SGCD: variants seen among roughly 807,000 people sequenced by gnomAD.
SGCD encodes sarcoglycan delta.
SGCD carries 18 observed loss-of-function variants against 36.6 expected under a neutral mutation model. That is an observed-to-expected ratio of 0.49 (90% CI 0.34 to 0.73). SGCD has a LOEUF of 0.73. Among genes scored for constraint, SGCD ranks in the 30% least tolerant of loss-of-function variants. SGCD has a pLI of 0.01. For synonymous variants in SGCD, 133 were observed against 130.6 expected (o/e 1.02, Z -0.12); for missense variants, 387 against 346.7 (o/e 1.12, Z -0.92).
chr5:156,338,420 CTA>C (rs1461865117), intron 2 of SGCD, among the ~76,000 whole-genome samples: 5 of 152,160 alleles, frequency 3.3e-5, no homozygotes, highest in Non-Finnish European at 5.9e-5. Flanking sequence ...TTTTTCATCC[CTA>C]TGTCTTCTCA....
intron 1 of SGCD, among the ~76,000 whole-genome samples, chr5:156,085,232 C>T (rs575887967): frequency 8.5e-5 from 13 of 152,050 alleles, no homozygotes; most frequent in Admixed American, 2.6e-4. Context: ...TGGACTGATG[C>T]GGTTTCAATA....
At chr5:156,745,542 GAAGGACA>G (rs2113112620) in intron 7 of SGCD, among the ~76,000 whole-genome samples, 1 of 152,264 alleles carries the variant, frequency 6.6e-6, no homozygotes, top group South Asian at 2.1e-4. Context: ...TCACAGTCAA[GAAGGACA>G]AAATACACTC....
chr5:156,289,762 G>A (rs971090842), intron 3 of SGCD, among the ~76,000 whole-genome samples: 79 of 151,960 alleles, frequency 5.2e-4, no homozygotes, highest in Admixed American at 4.7e-3. Flanking sequence ...CAAGCAATCC[G>A]CCCGTCCTAG....
At chr5:155,882,999 A>G (rs1307638690) in intron 1 of SGCD, among the ~76,000 whole-genome samples, 1 of 152,222 alleles carries the variant, frequency 6.6e-6, no homozygotes, top group Non-Finnish European at 1.5e-5. Flanking sequence ...AGATCCTTTG[A>G]ATATCTTGCT....
At chr5:156,403,904 G>A (rs1215050570) in intron 3 of SGCD, among the ~76,000 whole-genome samples, 1 of 151,770 alleles carries the variant, frequency 6.6e-6, no homozygotes. Context: ...TGCGATCTTG[G>A]CTCACTGCAA....
intron 3 of SGCD, among the ~76,000 whole-genome samples, chr5:156,185,415 C>T (rs968633059): frequency 5.9e-5 from 9 of 151,848 alleles, no homozygotes; most frequent in Non-Finnish European, 8.8e-5. Context: ...GGGGTTTCAC[C>T]ACGTTAGCCA....
chr5:156,423,819 C>T (rs756897705), intron 3 of SGCD, among the ~76,000 whole-genome samples: 1 of 151,930 alleles, frequency 6.6e-6, no homozygotes, highest in Non-Finnish European at 1.5e-5. Flanking sequence ...CTGTTCTGTG[C>T]CCTAGCTTTG....
intron 1 of SGCD, among the ~76,000 whole-genome samples, chr5:156,099,646 C>A (rs1031838068): frequency 6.6e-6 from 1 of 152,120 alleles, no homozygotes. Flanking sequence ...AACTCCTGAC[C>A]TCAAATGATC....
rs577899376 is a variant in SGCD at position 156,761,560 on chromosome 5, C to T, written c.*2170C>T. On this transcript the variant is annotated 3_prime_UTR_variant, in exon 9 of 9. Transcript: ENST00000337851. ...CCTTGGCTACTAGGAGCACCTATCC[C>T]ATATCATTCAGATAAACAATGATAG... is the stretch of plus-strand genomic sequence containing the variant. The T allele has an allele frequency of 2.0e-5, 3 of 152,296 alleles. No individual in the cohort carries two copies. The highest frequency in any genetic ancestry group is 3.9e-4 in the East Asian group (2 of 5,190). The allele number at this position is 152,296 out of a possible 1,614,324, so 9.4% of individuals were successfully genotyped here.
rs947678294 is a variant in SGCD, at chr5:156,492,017, A to T, written c.193-16584A>T. Among the ~76,000 whole-genome samples, 3 of 152,160 alleles carry T rather than the reference A, an allele frequency of 2.0e-5. No homozygotes were observed. The East Asian group carries it at 5.8e-4, about 29-fold the overall frequency. ...TAGAGGTGACTGTCAGTCTGTGACA[A>T]TGATGGCTATTGTTACCACAAAGCC... On this transcript the variant is annotated intron_variant, in intron 3 of 8. Coordinates refer to ENST00000337851, the MANE Select transcript of SGCD (RefSeq NM_000337.6).
chr5:155,912,762 T>A (rs550870752), intron 1 of SGCD, among the ~76,000 whole-genome samples: 139 of 152,216 alleles, frequency 9.1e-4, no homozygotes, highest in African/African-American at 3.1e-3. Flanking sequence ...TCTCTTCTCT[T>A]TCTTTCTTTC....
At chr5:156,298,030 G>A (rs1177794091) in intron 3 of SGCD, among the ~76,000 whole-genome samples, 4 of 150,792 alleles carry the variant, frequency 2.7e-5, no homozygotes, top group African/African-American at 9.7e-5. Flanking sequence ...GTGAAAATAT[G>A]CAAAGTTTTT....
chr5:156,286,266 C>T (rs1003900016), intron 3 of SGCD, among the ~76,000 whole-genome samples: 6 of 152,246 alleles, frequency 3.9e-5, no homozygotes, highest in Admixed American at 2.6e-4. Flanking sequence ...GTCAGTGTGG[C>T]GATTCCTCAG....
chr5:156,330,396 C>G (rs569188478), intron 2 of SGCD, among the ~76,000 whole-genome samples: 10 of 152,218 alleles, frequency 6.6e-5, no homozygotes, highest in African/African-American at 2.2e-4. Context: ...TAGGTCAGGT[C>G]CTGGCTCCAT....
At chr5:155,732,823 A>T in the SGCD span, among the ~76,000 whole-genome samples, 40,212 of 152,046 alleles carry the variant, frequency 0.26, 7,032 homozygotes, top group East Asian at 0.52. Flanking sequence ...CCAACACTGG[A>T]TCCCTTCCAG....
chr5:156,230,432 G>A (rs1302534973), intron 3 of SGCD, among the ~76,000 whole-genome samples: 4 of 152,168 alleles, frequency 2.6e-5, no homozygotes, highest in Admixed American at 1.3e-4. Flanking sequence ...GAGCTGAGCT[G>A]TAGTGATTGT....
At chr5:156,237,771 A>G (rs1765204326) in intron 3 of SGCD, among the ~76,000 whole-genome samples, 1 of 152,216 alleles carries the variant, frequency 6.6e-6, no homozygotes, top group Admixed American at 6.5e-5. Flanking sequence ...TTTAAAGATC[A>G]TTGTTAAGGT....
chr5:156,285,956 T>C (rs1258182836), intron 3 of SGCD, among the ~76,000 whole-genome samples: 1 of 151,972 alleles, frequency 6.6e-6, no homozygotes, highest in South Asian at 2.1e-4. Flanking sequence ...GAATCTACAA[T>C]GAACTCCAAC....
chr5:156,171,023 G>A (rs1453929350), intron 3 of SGCD, among the ~76,000 whole-genome samples: 2 of 152,156 alleles, frequency 1.3e-5, no homozygotes, highest in Admixed American at 1.3e-4. Context: ...TGAGTAGCCT[G>A]ACTTAGGATC....
Sources: gnomAD v4.1 joint callset for allele counts (sites outside exome capture counted in the v4.1 genomes callset) on GRCh38, gnomAD v4.1.1 for gene constraint, MANE v1.5 for transcripts, NCBI Gene and HGNC (gene_info 2026-07-23, HGNC 2026-07-21) for gene names.